KCNIP4: variants seen among roughly 807,000 people sequenced by gnomAD.
The protein encoded by KCNIP4 is Kv channel-interacting protein 4.
Under a neutral mutation model 34.0 loss-of-function variants are expected in KCNIP4, and 12 were observed. The ratio of observed to expected loss-of-function variants is 0.35; its 90% CI spans 0.23 to 0.57. The LOEUF (loss-of-function observed/expected upper bound fraction) is 0.57, where lower values mean the gene tolerates loss of function less well. Ranked by LOEUF, KCNIP4 falls within the 20% of genes least tolerant of loss-of-function variation. The pLI is 0.83. For synonymous variants in KCNIP4, 124 were observed against 102.2 expected (o/e 1.21, Z -1.29); for missense variants, 238 against 311.7 (o/e 0.76, Z 1.78).
chr4:21,103,095 T>G lies in KCNIP4; in HGVS notation c.62-220386A>C, dbSNP rs147047659. Among the ~76,000 whole-genome samples the G allele has an allele frequency of 3.6e-3, 540 of 152,046 alleles. 3 individuals carry two copies. The highest frequency in any genetic ancestry group is 0.012 in the African/African-American group (512 of 41,546). ...GGCTTTTAAAATACTATCAATCAAA[T>G]GGGGTGATAGATATATTATGGGGAA... On this transcript the variant is annotated intron_variant, in intron 1 of 8. Coordinates refer to ENST00000382152, the MANE Select transcript of KCNIP4 (RefSeq NM_025221.6).
chr4:20,773,534 C>T (rs1015876356), intron 3 of KCNIP4, among the ~76,000 whole-genome samples: 16 of 152,276 alleles, frequency 1.1e-4, no homozygotes, highest in African/African-American at 3.4e-4. Flanking sequence ...GGAGCTCAGA[C>T]GGCGCTCAGC....
chr4:21,029,075 A>G (rs1405444960), intron 1 of KCNIP4, among the ~76,000 whole-genome samples: 3 of 152,224 alleles, frequency 2.0e-5, no homozygotes, highest in African/African-American at 7.2e-5. Flanking sequence ...AGACACAAAC[A>G]TTCTACCAAG....
chr4:21,521,809 A>T (rs1027625503), intron 1 of KCNIP4, among the ~76,000 whole-genome samples: 3 of 152,076 alleles, frequency 2.0e-5, no homozygotes, highest in Non-Finnish European at 2.9e-5. Context: ...ATTTCTACCC[A>T]TGCAATGGAT....
chr4:20,906,428 A>G (rs1727779198), intron 1 of KCNIP4, among the ~76,000 whole-genome samples: 1 of 152,184 alleles, frequency 6.6e-6, no homozygotes, highest in Non-Finnish European at 1.5e-5. Context: ...TCTAAAGCCT[A>G]GTTCTAACGA....
At chr4:21,025,478 GA>G (rs1203225982) in intron 1 of KCNIP4, among the ~76,000 whole-genome samples, 12 of 58,422 alleles carry the variant, frequency 2.1e-4, no homozygotes, top group Admixed American at 5.4e-4. Flanking sequence ...ACAACTGAGA[GA>G]GAGAGAGAGA....
chr4:21,855,611 T>C (rs1022074666), intron 1 of KCNIP4: 1 of 152,218 alleles, frequency 6.6e-6, no homozygotes, highest in Admixed American at 6.5e-5. Flanking sequence ...CTAGAGAAAC[T>C]TGAAACTTCC....
intron 1 of KCNIP4, among the ~76,000 whole-genome samples, chr4:21,212,182 T>G (rs1026405795): frequency 2.0e-5 from 3 of 152,168 alleles, no homozygotes; most frequent in Non-Finnish European, 2.9e-5. Flanking sequence ...AAAAATGCAG[T>G]CTAAAGGCTG....
chr4:21,609,027 T>C (rs1164853402), intron 1 of KCNIP4: 1 of 152,140 alleles, frequency 6.6e-6, no homozygotes, highest in African/African-American at 2.4e-5. Flanking sequence ...TATTAAGAGA[T>C]ACTGAAAATA....
intron 3 of KCNIP4, among the ~76,000 whole-genome samples, chr4:20,776,101 T>G (rs1304210615): frequency 1.3e-5 from 2 of 152,222 alleles, no homozygotes; most frequent in African/African-American, 4.8e-5. Flanking sequence ...TTTTCATTTT[T>G]AGAGCTCATG....
At chr4:21,649,744 A>G (rs1247278684) in intron 1 of KCNIP4, among the ~76,000 whole-genome samples, 6 of 152,238 alleles carry the variant, frequency 3.9e-5, no homozygotes, top group African/African-American at 1.4e-4. Context: ...TTGCAAAGTG[A>G]CATTTTCTCC....
intron 1 of KCNIP4, among the ~76,000 whole-genome samples, chr4:21,862,284 G>A (rs1337938827): frequency 1.3e-5 from 2 of 152,152 alleles, no homozygotes; most frequent in Admixed American, 6.5e-5. Context: ...AACAGAGGGA[G>A]ACCACAGGCA....
chr4:21,379,969 T>C (rs1200306645), intron 1 of KCNIP4, among the ~76,000 whole-genome samples: 1 of 150,876 alleles, frequency 6.6e-6, no homozygotes, highest in African/African-American at 2.4e-5. Flanking sequence ...AATGAGTATA[T>C]TCAAATTGGA....
intron 3 of KCNIP4, among the ~76,000 whole-genome samples, chr4:20,832,133 A>C (rs1042047983): frequency 1.3e-5 from 2 of 152,190 alleles, no homozygotes; most frequent in African/African-American, 2.4e-5. Context: ...CAGCTGCAGA[A>C]ATTATGCTAT....
At chr4:20,847,238 C>G (rs1435779282) in intron 3 of KCNIP4, among the ~76,000 whole-genome samples, 12 of 152,160 alleles carry the variant, frequency 7.9e-5, no homozygotes. Context: ...GACAAAGACA[C>G]ATCGTCTCCT....
intron 1 of KCNIP4, among the ~76,000 whole-genome samples, chr4:21,678,305 A>ATTTTTTTTTTTTT (rs59561334): frequency 8.5e-5 from 10 of 117,584 alleles, no homozygotes; most frequent in Non-Finnish European, 1.4e-4. Flanking sequence ...TCTTCTTTTG[A>ATTTTTTTTTTTTT]TTTTTTTTTT....
At chr4:21,334,589 G>A (rs773525420) in intron 1 of KCNIP4, among the ~76,000 whole-genome samples, 5 of 151,940 alleles carry the variant, frequency 3.3e-5, no homozygotes, top group Non-Finnish European at 7.4e-5. Context: ...AATTTACAGG[G>A]TTATATAACC....
intron 1 of KCNIP4, among the ~76,000 whole-genome samples, chr4:21,062,371 T>C (rs937058693): frequency 6.6e-6 from 1 of 152,116 alleles, no homozygotes; most frequent in African/African-American, 2.4e-5. Flanking sequence ...GCCTCTAGTC[T>C]TTCAGATTGT....
intron 1 of KCNIP4, among the ~76,000 whole-genome samples, chr4:21,023,155 A>T (rs1330439480): frequency 6.6e-6 from 1 of 152,198 alleles, no homozygotes; most frequent in African/African-American, 2.4e-5. Flanking sequence ...GCCTCAGGAA[A>T]GGCAATATAA....
At chr4:21,251,107 C>T (rs771545708) in intron 1 of KCNIP4, among the ~76,000 whole-genome samples, 9 of 151,568 alleles carry the variant, frequency 5.9e-5, no homozygotes, top group Non-Finnish European at 2.9e-5. Context: ...TGCGTTTAAA[C>T]GAATTATGAT....
Sources: gnomAD v4.1 joint callset for allele counts (sites outside exome capture counted in the v4.1 genomes callset) on GRCh38, gnomAD v4.1.1 for gene constraint, MANE v1.5 for transcripts, NCBI Gene and HGNC (gene_info 2026-07-23, HGNC 2026-07-21) for gene names.